The following TTL variants were observed in gnomAD, a reference collection of about 807,000 sequenced individuals.
TTL encodes tubulin--tyrosine ligase.
Under a neutral mutation model 41.1 loss-of-function variants are expected in TTL, and 10 were observed. That is an observed-to-expected ratio of 0.24 (90% confidence interval 0.15 to 0.41). The LOEUF (loss-of-function observed/expected upper bound fraction) is 0.41, where lower values mean the gene tolerates loss of function less well. TTL is among the 10% of genes least tolerant of loss of function. The pLI is 1.00. For missense variants in TTL, 367 were observed against 460.4 expected, an observed-to-expected ratio of 0.80 and a Z score of 1.86; for synonymous variants, 175 against 175.5, an observed-to-expected ratio of 1.00 and a Z score of 0.02.
rs962131390 is a variant in TTL, at chr2:112,531,121, A to C, written c.*2326A>C. On this transcript the variant is annotated 3_prime_UTR_variant, in exon 7 of 7. Coordinates refer to ENST00000233336, the MANE Select transcript of TTL (RefSeq NM_153712.5). ...CAGCCTCCTGAGTAGCTGAGACTAC[A>C]GGTGCACACCACCAAGCCTGGCTTT... The C allele has an allele frequency of 4.7e-6, 1 of 211,260 alleles. No homozygotes were observed. The highest frequency in any genetic ancestry group is 2.3e-5 in the African/African-American group (1 of 44,118). The allele number at this position is 211,260 out of a possible 1,614,324, so 13.1% of individuals were successfully genotyped here.
intron 3 of TTL, among the ~76,000 whole-genome samples, chr2:112,497,639 A>G (rs2104455010): frequency 6.6e-6 from 1 of 151,808 alleles, no homozygotes. Context: ...GAAGAGAATA[A>G]GGGAGCTTTT....
intron 5 of TTL, among the ~76,000 whole-genome samples, chr2:112,510,838 CTT>C (rs1360327044): frequency 6.6e-6 from 1 of 151,796 alleles, no homozygotes; most frequent in East Asian, 1.9e-4. Flanking sequence ...ATAATTTTAT[CTT>C]TGATTCATGT....
chr2:112,492,468 C>T (rs554397854), intron 2 of TTL, among the ~76,000 whole-genome samples: 10 of 151,834 alleles, frequency 6.6e-5, no homozygotes, highest in South Asian at 2.1e-4. Flanking sequence ...CGGTGGCTCA[C>T]GCCTGTAATC....
intron 1 of TTL, among the ~76,000 whole-genome samples, chr2:112,484,682 A>G (rs1461213165): frequency 1.3e-5 from 2 of 152,152 alleles, no homozygotes; most frequent in Non-Finnish European, 2.9e-5. Flanking sequence ...GCCAAGGAGA[A>G]GATTTATAGA....
chr2:112,517,330 C>T (rs1291684052), intron 5 of TTL, among the ~76,000 whole-genome samples: 1 of 152,086 alleles, frequency 6.6e-6, no homozygotes, highest in Non-Finnish European at 1.5e-5. Context: ...TCATTTCAAC[C>T]TCTGCCTCCC....
chr2:112,523,400 C>T (rs950127909), intron 6 of TTL, among the ~76,000 whole-genome samples: 1 of 150,880 alleles, frequency 6.6e-6, no homozygotes, highest in African/African-American at 2.4e-5. Context: ...TTATTTCTAC[C>T]CTGTCATCCA....
chr2:112,490,458 A>G (rs1681351074), intron 2 of TTL, among the ~76,000 whole-genome samples: 1 of 152,084 alleles, frequency 6.6e-6, no homozygotes, highest in Admixed American at 6.6e-5. Context: ...CCTAACACAA[A>G]TGTTTTCAAC....
At chr2:112,501,094 G>A (rs2438849) in intron 3 of TTL, 112 bp from the exon 4 acceptor site, 260,116 of 925,902 alleles carry the variant, frequency 0.28, 39,391 homozygotes, top group East Asian at 0.55. Context: ...AAAGGTGAGC[G>A]GGACATTGAA....
intron 5 of TTL, among the ~76,000 whole-genome samples, chr2:112,519,759 A>G (rs541215193): frequency 6.6e-6 from 1 of 152,288 alleles, no homozygotes; most frequent in East Asian, 1.9e-4. Context: ...TGCCTGGAAG[A>G]ACACGAGTGG....
At chr2:112,527,700 G>A (rs938276519) in intron 6 of TTL, among the ~76,000 whole-genome samples, 1 of 152,114 alleles carries the variant, frequency 6.6e-6, no homozygotes, top group African/African-American at 2.4e-5. Context: ...TTGAGCCTAT[G>A]TGTGTCTCTG....
chr2:112,501,620 CACT>C (rs1681700731), intron 4 of TTL, among the ~76,000 whole-genome samples: 1 of 152,050 alleles, frequency 6.6e-6, no homozygotes, highest in African/African-American at 2.4e-5. Flanking sequence ...GTAATCCCAG[CACT>C]TTGGGAGGCC....
At chr2:112,525,972 G>A (rs368954571) in intron 6 of TTL, among the ~76,000 whole-genome samples, 4 of 151,348 alleles carry the variant, frequency 2.6e-5, no homozygotes, top group African/African-American at 9.7e-5. Flanking sequence ...TCAATACCTA[G>A]TTTATTGAGA....
intron 2 of TTL, among the ~76,000 whole-genome samples, chr2:112,490,213 C>T (rs113753044): frequency 0.019 from 2,879 of 152,152 alleles, 70 homozygotes; most frequent in African/African-American, 0.049. Flanking sequence ...GTCAGGAGTT[C>T]GAGACCAGCC....
At chr2:112,487,914 C>T (rs1313719236) in intron 2 of TTL, among the ~76,000 whole-genome samples, 1 of 152,218 alleles carries the variant, frequency 6.6e-6, no homozygotes, top group Non-Finnish European at 1.5e-5. Flanking sequence ...AATAAAGTCT[C>T]CTTGATTTTA....
At chr2:112,495,832 T>A (rs1681508812) in intron 3 of TTL, among the ~76,000 whole-genome samples, 1 of 150,226 alleles carries the variant, frequency 6.7e-6, no homozygotes. Context: ...AGAACAAGAC[T>A]CCTTCTCAAA....
At chr2:112,486,092 A>C in intron 2 of TTL, 97 bp downstream of exon 2, 4 of 1,247,986 alleles carry the variant, frequency 3.2e-6, no homozygotes, top group Non-Finnish European at 4.6e-6. Flanking sequence ...TTTTATTTTA[A>C]AAGCCAACAA....
intron 5 of TTL, 57 bp downstream of exon 5, chr2:112,503,238 C>A: frequency 7.1e-7 from 1 of 1,414,154 alleles, no homozygotes; most frequent in Non-Finnish European, 9.4e-7. Flanking sequence ...GCTTTGGCGT[C>A]TATGCCTTTC....
At position 112,532,539 on chromosome 2, in the gene TTL, G is replaced by T. The variant is rs371705378; in HGVS notation, c.*3744G>T. On this transcript the variant is annotated 3_prime_UTR_variant, in exon 7 of 7. Transcript: ENST00000233336. Reference sequence around the variant, plus strand: ...GGCTGAGGTGGGAGGATCGCTTGAGGCTGAGGTGTGAGGCTGCAGTGAACC... The same window carrying T: ...GGCTGAGGTGGGAGGATCGCTTGAGTCTGAGGTGTGAGGCTGCAGTGAACC... 11 of 205,882 alleles carry T rather than the reference G, an allele frequency of 5.3e-5. No homozygotes were observed. Among genetic ancestry groups the T allele is most frequent in the East Asian group, 5.1e-4 (7 of 13,664 alleles). 12.8% of individuals were successfully genotyped at this position (205,882 alleles called of 1,614,324 possible).
In TTL at chr2:112,532,204, G is replaced by C. The variant is rs906225402; in HGVS notation, c.*3409G>C. ...GGAGGTCCAGCCCTCTTGCAAGTGTGGTGAGAGGCTCTACTAGCAAAGACA... is the reference window on the plus strand; with the variant it reads ...GGAGGTCCAGCCCTCTTGCAAGTGTCGTGAGAGGCTCTACTAGCAAAGACA... On this transcript the variant is annotated 3_prime_UTR_variant, in exon 7 of 7. Coordinates refer to ENST00000233336, the MANE Select transcript of TTL (RefSeq NM_153712.5). The C allele has an allele frequency of 4.4e-6, 1 of 227,134 alleles. No homozygotes were observed. The highest frequency in any genetic ancestry group is 2.2e-5 in the African/African-American group (1 of 44,998). 14.1% of individuals were successfully genotyped at this position (227,134 alleles called of 1,614,324 possible). A position where few individuals can be genotyped will look rare whatever the true frequency, so the allele number is the denominator to read the frequency against.
Sources: allele counts gnomAD v4.1 joint callset (sites outside exome capture counted in the v4.1 genomes callset), GRCh38; gene constraint gnomAD v4.1.1; transcripts MANE v1.5; gene names NCBI Gene and HGNC (gene_info 2026-07-23, HGNC 2026-07-21).